KCNH1: variants seen among roughly 807,000 people sequenced by gnomAD.
KCNH1 encodes potassium voltage-gated channel subfamily H member 1, also known as voltage-gated delayed rectifier potassium channel KCNH1.
KCNH1 carries 27 observed loss-of-function variants against 69.2 expected under a neutral mutation model. The ratio of observed to expected loss-of-function variants is 0.39; its 90% CI spans 0.29 to 0.54. The LOEUF is 0.54. Ranked by LOEUF, KCNH1 falls within the 20% of genes least tolerant of loss-of-function variation. The pLI, the probability that KCNH1 is intolerant of heterozygous loss-of-function variation, is 0.68. For missense variants in KCNH1, 798 were observed against 1,261.6 expected (o/e 0.63, Z 5.57); for synonymous variants, 456 against 487.7 (o/e 0.93, Z 0.86).
chr1:210,776,649 TC>T (rs1683866704), intron 9 of KCNH1, among the ~76,000 whole-genome samples: 1 of 152,138 alleles, frequency 6.6e-6, no homozygotes, highest in Non-Finnish European at 1.5e-5. Flanking sequence ...GACAATGCTG[TC>T]CCCTGGTCTC....
intron 6 of KCNH1, among the ~76,000 whole-genome samples, chr1:211,011,180 A>G (rs1689385787): frequency 6.6e-6 from 1 of 151,718 alleles, no homozygotes; most frequent in Non-Finnish European, 1.5e-5. Flanking sequence ...CTCTGTGTCT[A>G]TGTGTTTTCA....
At chr1:210,719,168 T>C (rs1347386202) in intron 10 of KCNH1, among the ~76,000 whole-genome samples, 1 of 152,178 alleles carries the variant, frequency 6.6e-6, no homozygotes, top group African/African-American at 2.4e-5. Flanking sequence ...AAGTGTTCAT[T>C]AGCCATATAT....
intron 1 of KCNH1, among the ~76,000 whole-genome samples, chr1:211,114,047 G>A (rs564533962): frequency 1.1e-4 from 17 of 151,848 alleles, no homozygotes; most frequent in Admixed American, 2.0e-4. Flanking sequence ...GTGTTGGATT[G>A]GGGCAGAGGT....
intron 6 of KCNH1, among the ~76,000 whole-genome samples, chr1:210,946,170 A>G (rs1160086949): frequency 6.6e-6 from 1 of 152,252 alleles, no homozygotes; most frequent in Non-Finnish European, 1.5e-5. Flanking sequence ...GAGGAATCGC[A>G]TCATGAAGGT....
intron 7 of KCNH1, among the ~76,000 whole-genome samples, chr1:210,881,864 T>G (rs1686501704): frequency 6.6e-6 from 1 of 152,194 alleles, no homozygotes; most frequent in African/African-American, 2.4e-5. Context: ...ATCAAATGTT[T>G]CCTGGAGTTA....
At chr1:211,108,289 C>A (rs961417630) in intron 1 of KCNH1, among the ~76,000 whole-genome samples, 1 of 152,118 alleles carries the variant, frequency 6.6e-6, no homozygotes, top group African/African-American at 2.4e-5. Context: ...TAGTTTGGCC[C>A]TTCCTTTCCA....
chr1:210,861,955 G>A (rs534544829), intron 7 of KCNH1: 2 of 760,172 alleles, frequency 2.6e-6, no homozygotes, highest in Admixed American at 1.8e-5. Flanking sequence ...AATGCATGTA[G>A]TAAGCTGTAC....
intron 6 of KCNH1, among the ~76,000 whole-genome samples, chr1:210,980,158 C>T (rs1052685473): frequency 6.6e-6 from 1 of 152,142 alleles, no homozygotes; most frequent in African/African-American, 2.4e-5. Flanking sequence ...GTAGTCCAAG[C>T]TTTGTCTGAA....
chr1:211,131,437 A>C (rs1329708741), intron 1 of KCNH1, among the ~76,000 whole-genome samples: 1 of 152,230 alleles, frequency 6.6e-6, no homozygotes, highest in East Asian at 1.9e-4. Context: ...AAGCCACTTA[A>C]TATTCCTAGG....
At chr1:210,988,774 G>A (rs1688891403) in intron 6 of KCNH1, among the ~76,000 whole-genome samples, 2 of 152,158 alleles carry the variant, frequency 1.3e-5, no homozygotes, top group South Asian at 4.2e-4. Flanking sequence ...GGAGTGGAGT[G>A]AAGACAAAGA....
At chr1:210,713,911 A>G (rs1296391418) in intron 10 of KCNH1, among the ~76,000 whole-genome samples, 1 of 152,206 alleles carries the variant, frequency 6.6e-6, no homozygotes, top group East Asian at 1.9e-4. Context: ...TTCAGCACCA[A>G]TAAATCAGAC....
At chr1:210,959,395 GGCC>G (rs1293413986) in intron 6 of KCNH1, among the ~76,000 whole-genome samples, 1 of 152,150 alleles carries the variant, frequency 6.6e-6, no homozygotes, top group Non-Finnish European at 1.5e-5. Context: ...TGAGGAGGCA[GGCC>G]GTCCGTTCTC....
intron 7 of KCNH1, among the ~76,000 whole-genome samples, chr1:210,835,248 G>A (rs557240060): frequency 3.9e-4 from 60 of 152,064 alleles, no homozygotes; most frequent in African/African-American, 1.4e-3. Context: ...TAGTCATCTT[G>A]GAAAATCTTT....
At chr1:211,057,398 G>A (rs1293272938) in intron 5 of KCNH1, among the ~76,000 whole-genome samples, 1 of 152,188 alleles carries the variant, frequency 6.6e-6, no homozygotes, top group Non-Finnish European at 1.5e-5. Flanking sequence ...TACTTTGGGA[G>A]GCCAAGGCAG....
chr1:210,700,529 T>A (rs1224220857), intron 10 of KCNH1, among the ~76,000 whole-genome samples: 1 of 152,216 alleles, frequency 6.6e-6, no homozygotes, highest in Non-Finnish European at 1.5e-5. Context: ...GTATTCTCTT[T>A]GTCTTTTTCT....
At chr1:210,933,184 TA>T (rs1255960738) in intron 6 of KCNH1, among the ~76,000 whole-genome samples, 1 of 152,040 alleles carries the variant, frequency 6.6e-6, no homozygotes, top group Non-Finnish European at 1.5e-5. Flanking sequence ...TATGCAGCCA[TA>T]AAAAAGGATG....
chr1:210,915,966 T>C (rs981553538), intron 7 of KCNH1, among the ~76,000 whole-genome samples: 1 of 152,114 alleles, frequency 6.6e-6, no homozygotes, highest in African/African-American at 2.4e-5. Context: ...AAAAACCCAC[T>C]GGCTTTTTGT....
At chr1:210,880,780 A>G (rs1465144948) in intron 7 of KCNH1, among the ~76,000 whole-genome samples, 1 of 152,160 alleles carries the variant, frequency 6.6e-6, no homozygotes, top group Non-Finnish European at 1.5e-5. Flanking sequence ...CTGTCAAGAG[A>G]ATGAGAAGGC....
At chr1:210,805,387 C>A (rs1014784540) in intron 7 of KCNH1, among the ~76,000 whole-genome samples, 1 of 152,118 alleles carries the variant, frequency 6.6e-6, no homozygotes, top group Admixed American at 6.5e-5. Context: ...AAAATCATCA[C>A]CACTATCAAA....
Sources: gnomAD v4.1 joint callset for allele counts (sites outside exome capture counted in the v4.1 genomes callset) on GRCh38, gnomAD v4.1.1 for gene constraint, MANE v1.5 for transcripts, NCBI Gene and HGNC (gene_info 2026-07-23, HGNC 2026-07-21) for gene names.